ANKRD16: variants seen among roughly 807,000 people sequenced by gnomAD.
The protein encoded by ANKRD16 is ankyrin repeat domain 16.
A neutral mutation model predicts 37.9 loss-of-function variants in ANKRD16; 35 were observed. That is an observed-to-expected ratio of 0.92 (90% CI 0.71 to 1.23). ANKRD16 has a LOEUF of 1.23. Ranked by LOEUF, ANKRD16 falls within the 50% of genes most tolerant of loss-of-function variation. The probability of loss-of-function intolerance (pLI) is 0.00; values close to 1 mark genes in which losing one functional copy is unlikely to be tolerated. For missense variants in ANKRD16, 480 were observed against 469.9 expected, an observed-to-expected ratio of 1.02 and a Z score of -0.20; for synonymous variants, 206 against 197.2, an observed-to-expected ratio of 1.04 and a Z score of -0.37.
At chr10:5,888,524 G>C (rs1842495268) in intron 1 of ANKRD16, among the ~76,000 whole-genome samples, 1 of 152,230 alleles carries the variant, frequency 6.6e-6, no homozygotes, top group African/African-American at 2.4e-5. Context: ...AATGCAATTG[G>C]CTTGTGTGAT....
chr10:5,889,313 C>T lies in ANKRD16; in HGVS notation c.42G>A (p.Val14=). ...TCAGGGCGCGCAGCCGGCCCTCCTG[C>T]ACCAGCCTGCAGAGGCGCCGCGGGT... ...PGDPRRLCRL[V]QEGRLRALKE... The change falls in exon 1 of 8, where the codon GTG becomes GTA. Residue 14 remains valine (V), a synonymous_variant. Coordinates refer to ENST00000380094, the MANE Select transcript of ANKRD16 (RefSeq NM_019046.3). 2.2e-6 allele frequency: 3 copies of T among 1,343,646 alleles called. No homozygotes were observed. Among genetic ancestry groups the T allele is most frequent in the Non-Finnish European group, 2.8e-6 (3 of 1,052,664 alleles). The allele number at this position is 1,343,646 out of a possible 1,614,324, so 83.2% of individuals were successfully genotyped here.
rs1406256200 is a variant in ANKRD16 at position 5,863,184 on chromosome 10, G to A, written c.*34-493C>T. On this transcript the variant is annotated intron_variant, in intron 7 of 7. Transcript: ENST00000380094. This position sits in a 1 kb window ranked among gnomAD's most constrained non-coding sequence, Gnocchi z 4.7. ...CTTGGGAGACATGCAGATCCCACAG[G>A]AGAGGGAAGGGGGAGCTGCTCTCAA... Among the ~76,000 whole-genome samples the A allele has an allele frequency of 6.6e-6, 1 of 152,022 alleles. No individual in the cohort carries two copies. Among genetic ancestry groups the A allele is most frequent in the African/African-American group, 2.4e-5 (1 of 41,372 alleles).
intron 7 of ANKRD16, among the ~76,000 whole-genome samples, chr10:5,872,155 T>C (rs1385938333): frequency 7.1e-6 from 1 of 140,174 alleles, no homozygotes; most frequent in Non-Finnish European, 1.6e-5. Flanking sequence ...ATTCACAAAG[T>C]TTTAAAGAGC....
intron 3 of ANKRD16, 123 bp downstream of exon 3, chr10:5,885,600 C>T: frequency 1.0e-6 from 1 of 972,748 alleles, no homozygotes; most frequent in South Asian, 1.5e-5. Flanking sequence ...GTCTTTTGTT[C>T]ATTTTTCTTT....
chr10:5,870,179 T>A lies in ANKRD16; in HGVS notation c.*34-7488A>T, dbSNP rs1347047207. Among the ~76,000 whole-genome samples, 1 of 152,064 alleles carries A rather than the reference T, an allele frequency of 6.6e-6. No homozygotes were observed. Among genetic ancestry groups the A allele is most frequent in the Non-Finnish European group, 1.5e-5 (1 of 68,020 alleles). Reference sequence around the variant, plus strand: ...ATCCACATCCCTCTCCACTGCTTCATTTGCAAGCTCCAGGTTCTGCCTTCC... The same window carrying A: ...ATCCACATCCCTCTCCACTGCTTCAATTGCAAGCTCCAGGTTCTGCCTTCC... On this transcript the variant is annotated intron_variant, in intron 7 of 7. Coordinates refer to ENST00000380094, the MANE Select transcript of ANKRD16 (RefSeq NM_019046.3). The surrounding 1 kb of genome is among the most constrained non-coding windows in gnomAD (Gnocchi z 5.0).
intron 6 of ANKRD16, 65 bp downstream of exon 6, chr10:5,880,232 AT>A: frequency 1.4e-6 from 1 of 731,390 alleles, no homozygotes; most frequent in Non-Finnish European, 2.1e-6. Context: ...ATTGTTTTAA[AT>A]ATAAAAGTGT....
intron 7 of ANKRD16, among the ~76,000 whole-genome samples, chr10:5,873,537 G>A (rs1179364732): frequency 6.6e-6 from 1 of 152,190 alleles, no homozygotes; most frequent in Admixed American, 6.6e-5. Context: ...TGGAACTATA[G>A]ATTATTTTTG....
rs1841956809 is a variant in ANKRD16, at chr10:5,862,435, C to T, written c.*290G>A. On this transcript the variant is annotated 3_prime_UTR_variant, in exon 8 of 8. Coordinates refer to ENST00000380094, the MANE Select transcript of ANKRD16 (RefSeq NM_019046.3). This position sits in a 1 kb window ranked among gnomAD's most constrained non-coding sequence, Gnocchi z 6.5. The stretch of plus-strand genomic sequence containing the variant: ...GGCTGGTCAGTTTCACTATCATCCT[C>T]AGACTCTTCCAGTCAATGGTTGGTG... 4.6e-6 allele frequency: 2 copies of T among 435,098 alleles called. No homozygotes were observed. The highest frequency in any genetic ancestry group is 5.6e-5 in the Admixed American group (2 of 35,642). The allele number at this position is 435,098 out of a possible 1,614,324, so 27.0% of individuals were successfully genotyped here.
chr10:5,881,451 T>A (rs879667969), intron 5 of ANKRD16, among the ~76,000 whole-genome samples: 4,915 of 42,796 alleles, frequency 0.11, 227 homozygotes, highest in Middle Eastern at 0.21. Flanking sequence ...TATATATATA[T>A]ATATATATAT....
In ANKRD16 at chr10:5,888,944, A is replaced by T. The variant is rs957728745; in HGVS notation, c.314+97T>A. The stretch of plus-strand genomic sequence containing the variant: ...CCTGGGGTGAGAACTAGGAGCTGAG[A>T]ACAGCTACGGTGTCCAAGGGGACGG... On this transcript the variant is annotated intron_variant, in intron 1 of 7. Transcript: ENST00000380094. 3.8e-6 allele frequency: 5 copies of T among 1,305,030 alleles called. No homozygotes were observed. The African/African-American group carries it at 4.6e-5, about 12-fold the overall frequency. The allele number at this position is 1,305,030 out of a possible 1,614,324, so 80.8% of individuals were successfully genotyped here.
At position 5,878,195 on chromosome 10, in the gene ANKRD16, G is replaced by C; in HGVS notation, c.1021C>G (p.Leu341Val). The C allele has an allele frequency of 6.2e-7, 1 of 1,614,202 alleles. No homozygotes were observed. The highest frequency in any genetic ancestry group is 1.1e-5 in the South Asian group (1 of 91,084). The change falls in exon 7 of 8, where the codon CTG becomes GTG. Residue 341 changes from leucine to valine, a missense_variant. Leu to Val is a conservative substitution (Grantham distance 32). Transcript: ENST00000380094. The surrounding 1 kb of genome is among the most constrained non-coding windows in gnomAD (Gnocchi z 5.1). ...LKDSEDITGT[L>V]AQQLPRRADV... The stretch of plus-strand genomic sequence containing the variant: ...GCTCTCCTTGGGAGCTGCTGAGCCA[G>C]GGTGCCCGTGATGTCTTCAGAATCC...
At position 5,884,028 on chromosome 10, in the gene ANKRD16, T is replaced by C. The variant is rs1413711619; in HGVS notation, c.628A>G (p.Met210Val). ...YRDNCGVTAL[M>V]DAIQCGHIDV... is the part of the protein sequence containing the mutation. ...ATGTGCCCACACTGGATTGCGTCCATCAAGGCGGTGACGCCACAGTTGTCT... is the reference window on the plus strand; with the variant it reads ...ATGTGCCCACACTGGATTGCGTCCACCAAGGCGGTGACGCCACAGTTGTCT... Residue 210 changes from methionine to valine, a missense_variant, in exon 4 of 8, where the codon ATG (methionine) becomes GTG (valine). Transcript: ENST00000380094. 2 of 1,614,078 alleles carry C rather than the reference T, an allele frequency of 1.2e-6. No individual in the cohort carries two copies. The highest frequency in any genetic ancestry group is 2.7e-5 in the African/African-American group (2 of 74,958).
rs1397913118 is a variant in ANKRD16, at chr10:5,874,249, T to C, written c.*33+3848A>G. ...CTCACCATGGGAGCGGGTGTGCTTT[T>C]AGGACAAGCTGACAGCCCTGGTGGA... On this transcript the variant is annotated intron_variant, in intron 7 of 7. Coordinates refer to ENST00000380094, the MANE Select transcript of ANKRD16 (RefSeq NM_019046.3). The surrounding 1 kb of genome is among the most constrained non-coding windows in gnomAD (Gnocchi z 4.7). Among the ~76,000 whole-genome samples, 1 of 152,200 alleles carries C rather than the reference T, an allele frequency of 6.6e-6. No homozygotes were observed.
rs1841957497 is a variant in ANKRD16 at position 5,862,491 on chromosome 10, C to T, written c.*234G>A. ...ATCAGCAACCATTTTTGGAGACAGA[C>T]CCAGGGAGCTGACCTTGGGGGCCAG... On this transcript the variant is annotated 3_prime_UTR_variant, in exon 8 of 8. Coordinates refer to ENST00000380094, the MANE Select transcript of ANKRD16 (RefSeq NM_019046.3). The surrounding 1 kb of genome is among the most constrained non-coding windows in gnomAD (Gnocchi z 6.5). 2.8e-6 allele frequency: 2 copies of T among 716,944 alleles called. No individual in the cohort carries two copies. Among genetic ancestry groups the T allele is most frequent in the South Asian group, 3.1e-5 (2 of 65,452 alleles). The allele number at this position is 716,944 out of a possible 1,614,324, so 44.4% of individuals were successfully genotyped here. A position where few individuals can be genotyped will look rare whatever the true frequency, so the allele number is the denominator to read the frequency against.
intron 6 of ANKRD16, among the ~76,000 whole-genome samples, chr10:5,879,680 G>C (rs1404023464): frequency 6.6e-6 from 1 of 152,110 alleles, no homozygotes; most frequent in Admixed American, 6.6e-5. Flanking sequence ...TGGCTAGCAG[G>C]TGTCATCATG....
At chr10:5,872,566 A>T (rs1239741141) in intron 7 of ANKRD16, among the ~76,000 whole-genome samples, 1 of 151,638 alleles carries the variant, frequency 6.6e-6, no homozygotes, top group Non-Finnish European at 1.5e-5. Context: ...TTATGTAGGT[A>T]TTTTTTTTGA....
In ANKRD16 at chr10:5,884,077, C is replaced by A; in HGVS notation, c.579G>T (p.Arg193Ser). ...CTCTGTAGTCTGGTTCATATTGGCA[C>A]CTAGAGCCAAAACCCCAAGTAAGAG... Reference protein sequence around the residue: ...HLEAVKVLLKRCQYEPDYRDN... With the variant: ...HLEAVKVLLKSCQYEPDYRDN... Residue 193 changes from arginine (R) to serine (S), a missense_variant and splice_region_variant, in exon 4 of 8, where the codon AGG (arginine) becomes AGT (serine). Coordinates refer to ENST00000380094, the MANE Select transcript of ANKRD16 (RefSeq NM_019046.3). 3.1e-6 allele frequency: 5 copies of A among 1,613,516 alleles called. No homozygotes were observed. The highest frequency in any genetic ancestry group is 4.2e-6 in the Non-Finnish European group (5 of 1,179,834).
Position 5,862,900 on chromosome 10 carries a change from G to A in ANKRD16, c.*34-209C>T, listed in dbSNP as rs2131749182. Among the ~76,000 whole-genome samples, 1 of 152,230 alleles carries A rather than the reference G, an allele frequency of 6.6e-6. No homozygotes were observed. The highest frequency in any genetic ancestry group is 2.1e-4 in the South Asian group (1 of 4,826). Reference sequence around the variant, plus strand: ...GGCTGGCGCTAGATAGTAACAAGCTGTGTGTTTTGGGCATTTCCCCTGTAC... The same window carrying A: ...GGCTGGCGCTAGATAGTAACAAGCTATGTGTTTTGGGCATTTCCCCTGTAC... On this transcript the variant is annotated intron_variant, in intron 7 of 7. Coordinates refer to ENST00000380094, the MANE Select transcript of ANKRD16 (RefSeq NM_019046.3). This position sits in a 1 kb window ranked among gnomAD's most constrained non-coding sequence, Gnocchi z 6.5.
rs1353411256 is a variant in ANKRD16, at chr10:5,874,333, G to A, written c.*33+3764C>T. On this transcript the variant is annotated intron_variant, in intron 7 of 7. Coordinates refer to ENST00000380094, the MANE Select transcript of ANKRD16 (RefSeq NM_019046.3). This position sits in a 1 kb window ranked among gnomAD's most constrained non-coding sequence, Gnocchi z 4.7. ...GCAAGTGTAGTACGTGCTCTGGGAG[G>A]CAGGTTAAGCCACAATTGGCAATCA... Among the ~76,000 whole-genome samples the A allele has an allele frequency of 6.6e-6, 1 of 152,248 alleles. No homozygotes were observed. The highest frequency in any genetic ancestry group is 1.5e-5 in the Non-Finnish European group (1 of 68,040).
Sources: gnomAD v4.1 joint callset for allele counts (sites outside exome capture counted in the v4.1 genomes callset) on GRCh38, gnomAD v4.1.1 for gene constraint, Gnocchi (gnomAD v3.1) non-coding constraint, MANE v1.5 for transcripts, NCBI Gene and HGNC (gene_info 2026-07-23, HGNC 2026-07-21) for gene names.